The following BBS9 variants were observed in gnomAD, a reference collection of about 807,000 sequenced individuals.
The protein encoded by BBS9 is Bardet-Biedl syndrome 9, also known as protein PTHB1.
In BBS9, 89 loss-of-function variants were observed where a neutral mutation model predicts 117.7. The ratio of observed to expected loss-of-function variants is 0.76; its 90% CI spans 0.64 to 0.90. The LOEUF (loss-of-function observed/expected upper bound fraction) is 0.90, where lower values mean the gene tolerates loss of function less well. BBS9 is among the 40% of genes least tolerant of loss of function. The pLI is 0.00. For missense variants in BBS9, 982 were observed against 1,042.2 expected (o/e 0.94, Z 0.80); for synonymous variants, 379 against 370.9 (o/e 1.02, Z -0.25).
intron 19 of BBS9, among the ~76,000 whole-genome samples, chr7:33,489,186 G>T (rs1843553768): frequency 6.6e-6 from 1 of 151,644 alleles, no homozygotes; most frequent in Non-Finnish European, 1.5e-5. Context: ...TAGAGATGGG[G>T]TTTCGCCATG....
chr7:33,496,069 A>G (rs964057607), intron 19 of BBS9, among the ~76,000 whole-genome samples: 9 of 152,164 alleles, frequency 5.9e-5, no homozygotes, highest in African/African-American at 2.2e-4. Context: ...ATCATACCTT[A>G]GTGTTTCGAA....
In BBS9 at chr7:33,533,987, C is replaced by T. The variant is rs1229532839; in HGVS notation, c.2332C>T (p.His778Tyr). 1 of 1,614,178 alleles carries T rather than the reference C, an allele frequency of 6.2e-7. No individual in the cohort carries two copies. Residue 778 changes from histidine (H) to tyrosine (Y), a missense_variant, in exon 21 of 23, where the codon CAC (histidine) becomes TAC (tyrosine). His to Tyr is a moderately conservative substitution (Grantham distance 83). Coordinates refer to ENST00000242067, the MANE Select transcript of BBS9 (RefSeq NM_198428.3). ...WEETVDAAISHLLKTCLSKSS... is the reference protein window; with the variant it reads ...WEETVDAAISYLLKTCLSKSS... ...AGAAACGGTGGATGCCGCCATTTCC[C>T]ACCTGTTGAAGACTTGCCTGTCGAA... is the stretch of plus-strand genomic sequence containing the variant.
At chr7:33,280,681 T>A (rs1801635744) in intron 9 of BBS9, among the ~76,000 whole-genome samples, 1 of 151,166 alleles carries the variant, frequency 6.6e-6, no homozygotes, top group African/African-American at 2.4e-5. Flanking sequence ...TGATATATGC[T>A]TCCTAAATAC....
chr7:33,202,683 C>G lies in BBS9; in HGVS notation c.442+25092C>G, dbSNP rs145494285. On this transcript the variant is annotated intron_variant, in intron 5 of 22. Transcript: ENST00000242067. ...TACACACTTTTAAACAACCAGATCT[C>G]ATGAGAACTCACTCATTTTCATGAA... is the stretch of plus-strand genomic sequence containing the variant. Among the ~76,000 whole-genome samples, 622 of 152,214 alleles carry G rather than the reference C, an allele frequency of 4.1e-3. 2 individuals are homozygous for G. Among genetic ancestry groups the G allele is most frequent in the African/African-American group, 0.015 (604 of 41,520 alleles).
intron 9 of BBS9, among the ~76,000 whole-genome samples, chr7:33,318,455 A>T (rs1248438124): frequency 6.6e-6 from 1 of 152,144 alleles, no homozygotes; most frequent in Non-Finnish European, 1.5e-5. Flanking sequence ...GGTCTCTTGT[A>T]ACCATTGTCC....
At chr7:33,315,141 C>G (rs1229901357) in intron 9 of BBS9, among the ~76,000 whole-genome samples, 1 of 152,146 alleles carries the variant, frequency 6.6e-6, no homozygotes, top group African/African-American at 2.4e-5. Flanking sequence ...CTTAAAACAA[C>G]AGAAATTTAT....
At chr7:33,362,350 T>C (rs893639497) in intron 16 of BBS9, among the ~76,000 whole-genome samples, 7 of 152,258 alleles carry the variant, frequency 4.6e-5, no homozygotes, top group African/African-American at 1.7e-4. Flanking sequence ...TAATCCAAGG[T>C]TGCAAAGTTT....
At chr7:33,474,620 C>A (rs1474252619) in intron 19 of BBS9, among the ~76,000 whole-genome samples, 1 of 152,144 alleles carries the variant, frequency 6.6e-6, no homozygotes, top group Non-Finnish European at 1.5e-5. Flanking sequence ...GAGTACATCT[C>A]TTTCTGTCTA....
chr7:33,547,388 A>C (rs2129083468), intron 21 of BBS9, among the ~76,000 whole-genome samples: 1 of 152,338 alleles, frequency 6.6e-6, no homozygotes, highest in Non-Finnish European at 1.5e-5. Context: ...GCAAGATGAG[A>C]GTGCCAAAAT....
intron 19 of BBS9, among the ~76,000 whole-genome samples, chr7:33,464,432 G>A (rs1415602987): frequency 3.9e-5 from 6 of 152,028 alleles, no homozygotes; most frequent in Admixed American, 6.6e-5. Flanking sequence ...ATATGTAATG[G>A]ATATGAAACT....
chr7:33,534,450 A>C, intron 21 of BBS9: 2 of 499,622 alleles, frequency 4.0e-6, no homozygotes, highest in South Asian at 2.1e-5. Flanking sequence ...ACTAATAAAA[A>C]GTGGATTAGA....
intron 4 of BBS9, among the ~76,000 whole-genome samples, chr7:33,165,626 C>G (rs562339463): frequency 1.2e-4 from 19 of 152,114 alleles, no homozygotes; most frequent in African/African-American, 4.6e-4. Flanking sequence ...ATTGAATCAG[C>G]TATTGAAGCT....
At position 33,160,035 on chromosome 7, in the gene BBS9, CAAG is replaced by C. The variant is rs139744307; in HGVS notation, c.328+4337_328+4339del. Among the ~76,000 whole-genome samples the C allele has an allele frequency of 6.0e-3, 911 of 152,280 alleles. 9 individuals carry two copies. Among genetic ancestry groups the C allele is most frequent in the African/African-American group, 0.021 (853 of 41,550 alleles). On this transcript the variant is annotated intron_variant, in intron 4 of 22. Coordinates refer to ENST00000242067, the MANE Select transcript of BBS9 (RefSeq NM_198428.3). ...ATGTGATGCATTTCTCCATGGCCAA[CAAG>C]AAGTGCCAGCAAGTGCACAGATACT... is the stretch of plus-strand genomic sequence containing the variant.
chr7:33,590,459 GTTTTT>G (rs71554107), intron 21 of BBS9, among the ~76,000 whole-genome samples: 2 of 101,506 alleles, frequency 2.0e-5, no homozygotes, highest in Non-Finnish European at 3.9e-5. Context: ...TTGTTTTTTT[GTTTTT>G]TTTTTTTTTT....
At chr7:33,629,397 T>A (rs191651397) in intron 21 of BBS9, among the ~76,000 whole-genome samples, 1 of 152,330 alleles carries the variant, frequency 6.6e-6, no homozygotes, top group East Asian at 1.9e-4. Context: ...TTTGTTTTTT[T>A]AATTCTAAGT....
intron 1 of BBS9, among the ~76,000 whole-genome samples, chr7:33,142,279 A>G (rs1791600770): frequency 6.6e-6 from 1 of 152,196 alleles, no homozygotes; most frequent in Non-Finnish European, 1.5e-5. Context: ...TAACCAGAAC[A>G]CTGAGTTTTT....
At chr7:33,412,641 T>C (rs1374810330) in intron 19 of BBS9, among the ~76,000 whole-genome samples, 1 of 152,226 alleles carries the variant, frequency 6.6e-6, no homozygotes, top group African/African-American at 2.4e-5. Flanking sequence ...TTTGTCACTA[T>C]GGAATTTTTA....
chr7:33,241,792 G>T (rs550038451), intron 5 of BBS9, among the ~76,000 whole-genome samples: 1 of 151,338 alleles, frequency 6.6e-6, no homozygotes, highest in Non-Finnish European at 1.5e-5. Flanking sequence ...TAAAAATTTC[G>T]CTTGGTCATT....
intron 21 of BBS9, among the ~76,000 whole-genome samples, chr7:33,593,399 G>GT (rs1030953273): frequency 4.6e-5 from 7 of 151,874 alleles, no homozygotes; most frequent in Middle Eastern, 3.4e-3. Flanking sequence ...GTGAGTAGAG[G>GT]TTTTTTTTGT....
Sources: gnomAD v4.1 joint callset for allele counts (sites outside exome capture counted in the v4.1 genomes callset) on GRCh38, gnomAD v4.1.1 for gene constraint, MANE v1.5 for transcripts, NCBI Gene and HGNC (gene_info 2026-07-23, HGNC 2026-07-21) for gene names.